The following FRMD6 variants were observed in gnomAD, a reference collection of about 807,000 sequenced individuals.
FRMD6 encodes FERM domain containing 6.
Under a neutral mutation model 73.2 loss-of-function variants are expected in FRMD6, and 37 were observed. The ratio of observed to expected loss-of-function variants is 0.51; its 90% CI spans 0.39 to 0.66. FRMD6 has a LOEUF of 0.66. FRMD6 is among the 30% of genes least tolerant of loss of function. The pLI, the probability that FRMD6 is intolerant of heterozygous loss-of-function variation, is 0.00. For synonymous variants in FRMD6, 273 were observed against 282.2 expected, an observed-to-expected ratio of 0.97 and a Z score of 0.33; for missense variants, 714 against 780.5, an observed-to-expected ratio of 0.91 and a Z score of 1.02.
At chr14:51,631,088 A>T (rs1171009778) in intron 2 of FRMD6, among the ~76,000 whole-genome samples, 1 of 152,176 alleles carries the variant, frequency 6.6e-6, no homozygotes, top group African/African-American at 2.4e-5. Flanking sequence ...GTGCAGAGAA[A>T]ATCCACAGAG....
the FRMD6 span, among the ~76,000 whole-genome samples, chr14:51,435,418 TTAAA>T: frequency 1.3e-5 from 1 of 77,410 alleles, no homozygotes. Context: ...CCATCTCTAT[TTAAA>T]AAAAAAAAAA....
chr14:51,468,319 G>C, the FRMD6 span, among the ~76,000 whole-genome samples: 4 of 117,406 alleles, frequency 3.4e-5, no homozygotes, highest in Non-Finnish European at 7.2e-5. Context: ...GAGGGGGAGG[G>C]AGAGGGGGAG....
chr14:51,640,894 A>G (rs569055759), intron 2 of FRMD6, among the ~76,000 whole-genome samples: 49 of 152,336 alleles, frequency 3.2e-4, no homozygotes, highest in Admixed American at 8.5e-4. Context: ...TTAAGTAATG[A>G]TAATTTTCCA....
At chr14:51,428,608 TG>T in the FRMD6 span, among the ~76,000 whole-genome samples, 14 of 152,036 alleles carry the variant, frequency 9.2e-5, no homozygotes, top group Admixed American at 9.2e-4. Context: ...ATGAGAATCT[TG>T]GGGGTTGTGG....
At chr14:51,581,789 C>A (rs1055750034) in intron 2 of FRMD6, among the ~76,000 whole-genome samples, 2 of 152,072 alleles carry the variant, frequency 1.3e-5, no homozygotes, top group Admixed American at 6.6e-5. Context: ...AGCAAAAGAA[C>A]TTTATGTTTC....
In FRMD6 at chr14:51,561,317, G is replaced by C. The variant is rs561335527; in HGVS notation, c.-209-9031G>C. 5.9e-5 allele frequency among the ~76,000 whole-genome samples: 9 copies of C among 152,256 alleles called. No homozygotes were observed. The South Asian group carries it at 1.2e-3, about 21-fold the overall frequency. Reference sequence around the variant, plus strand: ...TAACCCTAACCCTGTAACAAAGAAGGCATTTTTAATCACTGAGGGCTAAAA... The same window carrying C: ...TAACCCTAACCCTGTAACAAAGAAGCCATTTTTAATCACTGAGGGCTAAAA... On this transcript the variant is annotated intron_variant, in intron 1 of 14. Coordinates refer to the FRMD6 transcript ENST00000356218.
chr14:51,524,536 CG>C (rs138812243), intron 1 of FRMD6, among the ~76,000 whole-genome samples: 34 of 149,918 alleles, frequency 2.3e-4, no homozygotes, highest in East Asian at 3.9e-4. Context: ...ATTTTTATGA[CG>C]GGGGGGGTCT....
At chr14:51,486,465 AT>A (rs1332427857), upstream of FRMD6, among the ~76,000 whole-genome samples, 1 of 152,158 alleles carries the variant, frequency 6.6e-6, no homozygotes, top group Non-Finnish European at 1.5e-5. Flanking sequence ...TTTTATGTGC[AT>A]TCAATGCATT....
At chr14:51,606,946 T>A (rs1388276930) in intron 2 of FRMD6, among the ~76,000 whole-genome samples, 2 of 152,122 alleles carry the variant, frequency 1.3e-5, no homozygotes, top group Non-Finnish European at 2.9e-5. Flanking sequence ...GGAATTGTTG[T>A]TCAAGGACAG....
At chr14:51,652,757 C>G (rs1892517984) in intron 1 of FRMD6, among the ~76,000 whole-genome samples, 2 of 152,294 alleles carry the variant, frequency 1.3e-5, no homozygotes, top group African/African-American at 4.8e-5. Context: ...ACAGGAGCAC[C>G]GGATTCGGCT....
the FRMD6 span, among the ~76,000 whole-genome samples, chr14:51,452,792 C>T: frequency 3.3e-5 from 5 of 152,168 alleles, no homozygotes; most frequent in African/African-American, 1.2e-4. Context: ...GAAGGAAAGG[C>T]TGAAGACAGG....
intron 1 of FRMD6, among the ~76,000 whole-genome samples, chr14:51,671,946 A>G (rs1226713346): frequency 6.6e-6 from 1 of 152,224 alleles, no homozygotes; most frequent in Non-Finnish European, 1.5e-5. Context: ...AATTCGAGCA[A>G]ACTTTCCACT....
intron 1 of FRMD6, among the ~76,000 whole-genome samples, chr14:51,560,548 G>T (rs1887422963): frequency 6.6e-6 from 1 of 152,202 alleles, no homozygotes; most frequent in African/African-American, 2.4e-5. Context: ...GCAATACCAT[G>T]ATCTCAGTTC....
the FRMD6 span, among the ~76,000 whole-genome samples, chr14:51,407,253 C>T: frequency 9.3e-3 from 1,411 of 151,864 alleles, 23 homozygotes; most frequent in African/African-American, 0.032. Flanking sequence ...CATCTGTGTT[C>T]AACAGTAAGA....
At chr14:51,555,633 T>C (rs1887084296) in intron 1 of FRMD6, among the ~76,000 whole-genome samples, 1 of 151,954 alleles carries the variant, frequency 6.6e-6, no homozygotes, top group African/African-American at 2.4e-5. Flanking sequence ...AGAAAATTTG[T>C]CTCTACTAAA....
chr14:51,417,490 T>G, the FRMD6 span, among the ~76,000 whole-genome samples: 5 of 152,230 alleles, frequency 3.3e-5, no homozygotes, highest in Non-Finnish European at 7.3e-5. Context: ...CCCACTCTCT[T>G]CTGGCTTGTA....
At position 51,681,898 on chromosome 14, in the gene FRMD6, T is replaced by C. The variant is rs147339222; in HGVS notation, c.-146-7793T>C. Among the ~76,000 whole-genome samples the C allele has an allele frequency of 2.8e-3, 423 of 152,320 alleles. 3 individuals carry two copies. The highest frequency in any genetic ancestry group is 9.8e-3 in the African/African-American group (409 of 41,574). On this transcript the variant is annotated intron_variant, in intron 1 of 13. Transcript: ENST00000344768. Reference sequence around the variant, plus strand: ...ACATATCAACCATGCTTTCCAGTTATTTTGTTTGCAGTAAAAGCATTTTTT... The same window carrying C: ...ACATATCAACCATGCTTTCCAGTTACTTTGTTTGCAGTAAAAGCATTTTTT...
upstream of FRMD6, among the ~76,000 whole-genome samples, chr14:51,488,551 A>G (rs1474760700): frequency 6.6e-6 from 1 of 152,234 alleles, no homozygotes; most frequent in Non-Finnish European, 1.5e-5. Context: ...CTTGGAAACT[A>G]GGAATGAATC....
chr14:51,404,688 C>T, the FRMD6 span, among the ~76,000 whole-genome samples: 2 of 152,292 alleles, frequency 1.3e-5, no homozygotes, highest in East Asian at 3.9e-4. Flanking sequence ...GCTTTCTCTG[C>T]CACAAGCCAC....
Sources: gnomAD v4.1 joint callset for allele counts (sites outside exome capture counted in the v4.1 genomes callset) on GRCh38, gnomAD v4.1.1 for gene constraint, MANE v1.5 for transcripts, NCBI Gene and HGNC (gene_info 2026-07-23, HGNC 2026-07-21) for gene names.